Variants in RYR2 observed in about 807,000 individuals in gnomAD.
RYR2 encodes the protein ryanodine receptor 2.
RYR2 carries 227 observed loss-of-function variants against 601.1 expected under a neutral mutation model. The observed-to-expected ratio is 0.38, with a 90% CI of 0.34 to 0.42. The LOEUF (loss-of-function observed/expected upper bound fraction) is 0.42. Ranked by LOEUF, RYR2 falls within the 10% of genes least tolerant of loss-of-function variation. The pLI is 1.00. For missense variants in RYR2, 4,646 were observed against 6,156.5 expected, an observed-to-expected ratio of 0.75 and a Z score of 8.21; for synonymous variants, 2,223 against 2,175.1, an observed-to-expected ratio of 1.02 and a Z score of -0.61.
At chr1:237,395,585 TC>T (rs1210869564) in intron 10 of RYR2, among the ~76,000 whole-genome samples, 1 of 134,876 alleles carries the variant, frequency 7.4e-6, no homozygotes, top group Non-Finnish European at 1.5e-5. Flanking sequence ...CTCGCTTTGT[TC>T]CCCAGGCTGG....
intron 12 of RYR2, among the ~76,000 whole-genome samples, chr1:237,429,423 C>A (rs1259849256): frequency 1.3e-5 from 2 of 152,138 alleles, no homozygotes; most frequent in Non-Finnish European, 2.9e-5. Flanking sequence ...GGCTGGTTCA[C>A]TCATTCAGTT....
chr1:237,465,174 A>T (rs1055364247), intron 16 of RYR2, among the ~76,000 whole-genome samples: 4 of 151,972 alleles, frequency 2.6e-5, no homozygotes, highest in African/African-American at 4.8e-5. Flanking sequence ...TTTCATTAGA[A>T]ATGTATATAT....
At chr1:237,071,831 G>T (rs1664376467) in intron 1 of RYR2, among the ~76,000 whole-genome samples, 1 of 152,216 alleles carries the variant, frequency 6.6e-6, no homozygotes, top group Non-Finnish European at 1.5e-5. Context: ...CCCGGCTCCA[G>T]CCTTTCTCCC....
intron 1 of RYR2, among the ~76,000 whole-genome samples, chr1:237,208,554 T>A (rs1202092690): frequency 6.6e-6 from 1 of 152,156 alleles, no homozygotes; most frequent in Non-Finnish European, 1.5e-5. Flanking sequence ...ATCTTAAAAG[T>A]TTTATTTCTG....
chr1:237,433,742 G>A (rs954750451), intron 12 of RYR2, among the ~76,000 whole-genome samples: 20 of 152,078 alleles, frequency 1.3e-4, no homozygotes, highest in Non-Finnish European at 2.1e-4. Context: ...CCATGAAGAA[G>A]AGTTATACTG....
At chr1:237,641,073 G>A in intron 47 of RYR2, 71 bp downstream of exon 47, 2 of 1,001,512 alleles carry the variant, frequency 2.0e-6, no homozygotes, top group Non-Finnish European at 2.9e-6. Flanking sequence ...CTGTCAAAGA[G>A]CATAACAGCA....
intron 1 of RYR2, among the ~76,000 whole-genome samples, chr1:237,065,939 C>T (rs932166430): frequency 6.6e-6 from 1 of 152,146 alleles, no homozygotes; most frequent in Admixed American, 6.5e-5. Context: ...ATTTCAAGAG[C>T]ACTTGCTCAC....
rs78598046 is a variant in RYR2, at chr1:237,768,863, C to G, written c.11477-1944C>G. ...AAGGCCTGACTCGTCCCCTCCCTAA[C>G]CCCTCCCCTCTTCCCATTGTTCTGC... is the stretch of plus-strand genomic sequence containing the variant. On this transcript the variant is annotated intron_variant, in intron 84 of 104. Transcript: ENST00000366574. Among the ~76,000 whole-genome samples the G allele has an allele frequency of 7.2e-4, 110 of 152,242 alleles. 1 individual carries two copies. The East Asian group carries it at 0.02, about 28-fold the overall frequency.
intron 23 of RYR2, 21 bp from the exon 24 acceptor site, chr1:237,511,667 C>T: frequency 4.6e-6 from 7 of 1,533,568 alleles, no homozygotes; most frequent in Non-Finnish European, 6.2e-6. Flanking sequence ...TATTTTATGT[C>T]AATTTCCTGT....
chr1:237,632,933 A>G (rs1350683826), intron 42 of RYR2, among the ~76,000 whole-genome samples: 1 of 152,110 alleles, frequency 6.6e-6, no homozygotes, highest in African/African-American at 2.4e-5. Flanking sequence ...AATATACTGT[A>G]CTTTATTACA....
At chr1:237,170,072 C>T (rs187866545) in intron 1 of RYR2, among the ~76,000 whole-genome samples, 85 of 151,650 alleles carry the variant, frequency 5.6e-4, no homozygotes, top group African/African-American at 2.0e-3. Flanking sequence ...GGGATTCTGG[C>T]AATAGAATAA....
chr1:237,758,158 A>C (rs1037414831), intron 82 of RYR2, among the ~76,000 whole-genome samples: 1 of 152,192 alleles, frequency 6.6e-6, no homozygotes, highest in Admixed American at 6.5e-5. Context: ...AAAAGAAAAA[A>C]TAAAACACTT....
At chr1:237,490,927 A>G (rs763052768) in intron 17 of RYR2, among the ~76,000 whole-genome samples, 4 of 152,082 alleles carry the variant, frequency 2.6e-5, no homozygotes, top group Non-Finnish European at 4.4e-5. Flanking sequence ...CCTTCCCAAT[A>G]CTATGTAACT....
At chr1:237,546,661 G>A (rs1669841664) in intron 25 of RYR2, among the ~76,000 whole-genome samples, 1 of 151,984 alleles carries the variant, frequency 6.6e-6, no homozygotes, top group Non-Finnish European at 1.5e-5. Context: ...GATTATAGAA[G>A]TGAGCTACCA....
At chr1:237,357,864 A>G (rs566805322) in intron 4 of RYR2, among the ~76,000 whole-genome samples, 46 of 152,308 alleles carry the variant, frequency 3.0e-4, no homozygotes, top group African/African-American at 1.1e-3. Flanking sequence ...ATTGATGCCA[A>G]AATACATGTT....
chr1:237,224,215 T>C lies in RYR2; in HGVS notation c.49-46282T>C, dbSNP rs146729423. On this transcript the variant is annotated intron_variant, in intron 1 of 104. Coordinates refer to ENST00000366574, the MANE Select transcript of RYR2 (RefSeq NM_001035.3). The stretch of plus-strand genomic sequence containing the variant: ...TTATGACAATTTGAAAAAAAACTCA[T>C]AGATGAACTGCATAGTCTAGAAGTA... Among the ~76,000 whole-genome samples, 491 of 152,328 alleles carry C rather than the reference T, an allele frequency of 3.2e-3. 5 individuals are homozygous for C. Among genetic ancestry groups the C allele is most frequent in the African/African-American group, 0.011 (477 of 41,588 alleles).
intron 96 of RYR2, among the ~76,000 whole-genome samples, chr1:237,797,702 T>G (rs1442762647): frequency 6.6e-6 from 1 of 152,262 alleles, no homozygotes; most frequent in East Asian, 1.9e-4. Context: ...GAAGCATAAT[T>G]TCTGGCACAA....
At position 237,496,620 on chromosome 1, in the gene RYR2, A is replaced by G; in HGVS notation, c.2071A>G (p.Thr691Ala). The G allele has an allele frequency of 6.2e-7, 1 of 1,613,916 alleles. No individual in the cohort carries two copies. The highest frequency in any genetic ancestry group is 8.5e-7 in the Non-Finnish European group (1 of 1,179,884). The change falls in exon 20 of 105, where the codon ACT becomes GCT. Residue 691 changes from threonine (T) to alanine (A), a missense_variant. Around this residue, in one of 17 missense-constraint regions of RYR2, gnomAD observed 1,807 missense variants for 2,088.1 expected, o/e 0.87. Coordinates refer to ENST00000366574, the MANE Select transcript of RYR2 (RefSeq NM_001035.3). ...AGAGCCCTTTGTGACAGCTGAAGCA[A>G]CTCACCTGCGAGTGGGCTGGGCTTC... ...HTEPFVTAEA[T>A]HLRVGWASTE...
chr1:237,121,908 G>A (rs557081505), intron 1 of RYR2, among the ~76,000 whole-genome samples: 2 of 152,212 alleles, frequency 1.3e-5, no homozygotes, highest in Non-Finnish European at 2.9e-5. Flanking sequence ...AGTGTGAAAT[G>A]CAGGAAAACA....
Sources: allele counts gnomAD v4.1 joint callset (sites outside exome capture counted in the v4.1 genomes callset), GRCh38; gene constraint gnomAD v4.1.1; regional missense constraint gnomAD v4.1.1; transcripts MANE v1.5; gene names NCBI Gene and HGNC (gene_info 2026-07-23, HGNC 2026-07-21).